URB1: variants seen among roughly 807,000 people sequenced by gnomAD.
URB1 encodes nucleolar pre-ribosomal-associated protein 1.
In URB1, 197 loss-of-function variants were observed where a neutral mutation model predicts 242.3. The ratio of observed to expected loss-of-function variants is 0.81; its 90% CI spans 0.72 to 0.91. The LOEUF (loss-of-function observed/expected upper bound fraction) is 0.91. URB1 is among the 40% of genes least tolerant of loss of function. URB1 has a pLI of 0.00. For synonymous variants in URB1, 1,153 were observed against 1,201.8 expected, an observed-to-expected ratio of 0.96 and a Z score of 0.84; for missense variants, 2,721 against 2,860.5, an observed-to-expected ratio of 0.95 and a Z score of 1.11.
chr21:32,311,103 A>C lies in URB1; in HGVS notation c.*3815T>G, dbSNP rs1289012690. On this transcript the variant is annotated 3_prime_UTR_variant, in exon 39 of 39. Coordinates refer to ENST00000382751, the MANE Select transcript of URB1 (RefSeq NM_014825.3). ...CAGTCATGGCAGAAGGCAAAGGAAG[A>C]GCAAAGCCACATCTTACATGACACA... 1 of 152,808 alleles carries C rather than the reference A, an allele frequency of 6.5e-6. No homozygotes were observed. Among genetic ancestry groups the C allele is most frequent in the East Asian group, 1.9e-4 (1 of 5,202 alleles). 9.5% of individuals were successfully genotyped at this position (152,808 alleles called of 1,614,324 possible). A position where few individuals can be genotyped will look rare whatever the true frequency, so the allele number is the denominator to read the frequency against.
rs558021389 is a variant in URB1 at position 32,334,166 on chromosome 21, G to A, written c.4854C>T (p.Pro1618=). Reference sequence around the variant, plus strand: ...GACAGAACAGCAGCAGCCCAACCTCGGGGGGCAGCAGCCTCCGGTTCTGGG... The same window carrying A: ...GACAGAACAGCAGCAGCCCAACCTCAGGGGGCAGCAGCCTCCGGTTCTGGG... ...HFPQNRRLLP[P]EDTQELIFKD... is the part of the protein sequence containing the mutation. Residue 1618 remains proline, a synonymous_variant, in exon 29 of 39, where the codon CCC becomes CCT. Coordinates refer to ENST00000382751, the MANE Select transcript of URB1 (RefSeq NM_014825.3). 73 of 1,543,920 alleles carry A rather than the reference G, an allele frequency of 4.7e-5. 1 individual carries two copies. In the Middle Eastern group the frequency reaches 8.5e-4, roughly 18 times the overall value.
At chr21:32,317,544 G>A in intron 37 of URB1, 132 bp downstream of exon 37, 1 of 1,367,876 alleles carries the variant, frequency 7.3e-7, no homozygotes, top group East Asian at 2.5e-5. Flanking sequence ...AGGGCTCCAA[G>A]ATGGATGTGT....
chr21:32,385,440 T>C (rs1380631320), intron 2 of URB1, 105 bp downstream of exon 2: 15 of 1,432,806 alleles, frequency 1.0e-5, no homozygotes, highest in Non-Finnish European at 1.3e-5. Flanking sequence ...CATCATTTTC[T>C]ATAGAAAGTT....
At position 32,317,876 on chromosome 21, in the gene URB1, G is replaced by A. The variant is rs1159309828; in HGVS notation, c.5834C>T (p.Thr1945Ile). Residue 1945 changes from threonine (T) to isoleucine (I), a missense_variant, in exon 37 of 39, where the codon ACA becomes ATA. Transcript: ENST00000382751. ...APVQLTNFFG[T>I]LDSVLRYRAT... is the part of the protein sequence containing the mutation. Reference sequence around the variant, plus strand: ...CCGGTACCTCAGCACGGAGTCAAGTGTCCCGAAGAAGTTGGTCAGCTGGAC... The same window carrying A: ...CCGGTACCTCAGCACGGAGTCAAGTATCCCGAAGAAGTTGGTCAGCTGGAC... 1.2e-5 allele frequency: 18 copies of A among 1,551,666 alleles called. No homozygotes were observed. Among genetic ancestry groups the A allele is most frequent in the Non-Finnish European group, 1.6e-5 (18 of 1,147,022 alleles).
chr21:32,383,326 G>A (rs1294336254), intron 4 of URB1, 96 bp downstream of exon 4: 1 of 1,391,436 alleles, frequency 7.2e-7, no homozygotes, highest in Non-Finnish European at 9.6e-7. Context: ...CATTTCATCT[G>A]TGTGGGGATC....
Position 32,324,595 on chromosome 21 carries a change from T to C in URB1, c.5129A>G (p.Tyr1710Cys), listed in dbSNP as rs2032806389. 1 of 1,550,904 alleles carries C rather than the reference T, an allele frequency of 6.4e-7. No individual in the cohort carries two copies. The highest frequency in any genetic ancestry group is 1.4e-5 in the African/African-American group (1 of 73,132). The change falls in exon 32 of 39, where the codon TAC becomes TGC. Residue 1710 changes from tyrosine (Y) to cysteine (C), a missense_variant. By Grantham distance (194) the Tyr-to-Cys change is radical. Coordinates refer to ENST00000382751, the MANE Select transcript of URB1 (RefSeq NM_014825.3). The part of the protein sequence containing the change: ...ARFQEQSQLL[Y>C]LLDVVRNGIR... ...CCCATTCCGGACTACATCCAACAGG[T>C]AAAGTAGCTTGAAAACAGAACAGAA... is the stretch of plus-strand genomic sequence containing the variant.
intron 30 of URB1, among the ~76,000 whole-genome samples, chr21:32,330,789 GATATCC>G (rs1341849879): frequency 6.6e-6 from 1 of 152,206 alleles, no homozygotes; most frequent in African/African-American, 2.4e-5. Context: ...GGGCAATTAA[GATATCC>G]ATTTGCTATT....
intron 6 of URB1, 110 bp downstream of exon 6, chr21:32,375,288 A>T (rs2033446683): frequency 1.6e-6 from 1 of 629,496 alleles, no homozygotes; most frequent in African/African-American, 1.9e-5. Flanking sequence ...CCAATACAAC[A>T]ATCTATGTAA....
chr21:32,356,666 G>A (rs1287995838), intron 15 of URB1, among the ~76,000 whole-genome samples: 1 of 152,182 alleles, frequency 6.6e-6, no homozygotes, highest in Admixed American at 6.5e-5. Context: ...AGAGAAACTG[G>A]TATGAGGCAG....
intron 12 of URB1, 62 bp from the exon 13 acceptor site, chr21:32,361,185 A>AAGAAAGAAAGAC: frequency 2.4e-6 from 2 of 848,024 alleles, no homozygotes; most frequent in Non-Finnish European, 1.8e-6. Flanking sequence ...GAAAGAAAGA[A>AAGAAAGAAAGAC]AGAAAGAAAG....
At chr21:32,362,142 G>A in intron 11 of URB1, 121 bp from the exon 12 acceptor site, 1 of 1,261,344 alleles carries the variant, frequency 7.9e-7, no homozygotes, top group South Asian at 1.5e-5. Flanking sequence ...AGGAGTGCGT[G>A]TAAGAAGGAG....
rs1486119408 is a variant in URB1, at chr21:32,352,774, T to G, written c.2549A>C (p.Gln850Pro). ...GTATCTGTTAAACCGTGAGAGCTGC[T>G]GGCAGCAAGGCACCAGGCATGGAGG... ...LEPPCLVPCC[Q>P]QLSRFNRYYS... The change falls in exon 19 of 39, where the codon CAG becomes CCG. Residue 850 changes from glutamine to proline, a missense_variant. Coordinates refer to ENST00000382751, the MANE Select transcript of URB1 (RefSeq NM_014825.3). The G allele has an allele frequency of 1.3e-6, 2 of 1,551,574 alleles. No individual in the cohort carries two copies. Among genetic ancestry groups the G allele is most frequent in the East Asian group, 2.4e-5 (1 of 40,922 alleles).
chr21:32,382,108 C>G (rs560054436), intron 4 of URB1, among the ~76,000 whole-genome samples: 1 of 152,192 alleles, frequency 6.6e-6, no homozygotes, highest in South Asian at 2.1e-4. Context: ...GGCTTCAGGA[C>G]GGGAAGCCCT....
intron 5 of URB1, among the ~76,000 whole-genome samples, chr21:32,377,941 G>A (rs1237595627): frequency 6.6e-6 from 1 of 152,158 alleles, no homozygotes; most frequent in African/African-American, 2.4e-5. Context: ...AGGGGCCCTG[G>A]CAGATTAAAT....
intron 6 of URB1, 45 bp downstream of exon 6, chr21:32,375,353 C>T: frequency 7.9e-7 from 1 of 1,271,664 alleles, no homozygotes; most frequent in Non-Finnish European, 1.1e-6. Context: ...ATCTCCATTC[C>T]CAAGGGAAAA....
At chr21:32,333,099 AC>A (rs1304818569) in intron 30 of URB1, 2 of 521,464 alleles carry the variant, frequency 3.8e-6, no homozygotes, top group Admixed American at 3.7e-5. Context: ...TTTTAAAATT[AC>A]AATTTTTTTT....
At position 32,350,928 on chromosome 21, in the gene URB1, G is replaced by A; in HGVS notation, c.2614-6C>T. The stretch of plus-strand genomic sequence containing the variant: ...CTGCCCTGTGCCTGCAGCAGCTGAG[G>A]GAGACAGCAAAAGGCCGGGGAAGAG... On this transcript the variant is annotated splice_region_variant and splice_polypyrimidine_tract_variant and intron_variant, in intron 19 of 38. Transcript: ENST00000382751. 1 of 1,542,328 alleles carries A rather than the reference G, an allele frequency of 6.5e-7. No individual in the cohort carries two copies. The highest frequency in any genetic ancestry group is 8.7e-7 in the Non-Finnish European group (1 of 1,145,198).
chr21:32,315,160 A>T, intron 38 of URB1, 61 bp from the exon 39 acceptor site: 1 of 1,425,234 alleles, frequency 7.0e-7, no homozygotes, highest in Non-Finnish European at 9.3e-7. Flanking sequence ...AAAACAGGTC[A>T]TCCTGCCCAC....
intron 32 of URB1, among the ~76,000 whole-genome samples, chr21:32,323,596 CAAT>C (rs1274756844): frequency 4.6e-5 from 7 of 152,180 alleles, no homozygotes; most frequent in African/African-American, 1.7e-4. Context: ...AAGCATGAAT[CAAT>C]GATGAATAAT....
Sources: gnomAD v4.1 joint callset for allele counts (sites outside exome capture counted in the v4.1 genomes callset) on GRCh38, gnomAD v4.1.1 for gene constraint, MANE v1.5 for transcripts, NCBI Gene and HGNC (gene_info 2026-07-23, HGNC 2026-07-21) for gene names.